Variants in SLCO2A1 observed in about 807,000 individuals in gnomAD.
SLCO2A1 encodes matrin F/G 1.
In SLCO2A1, 60 loss-of-function variants were observed where a neutral mutation model predicts 71.7. That is an observed-to-expected ratio of 0.84 (90% confidence interval 0.68 to 1.04). The LOEUF (loss-of-function observed/expected upper bound fraction) is 1.04, where lower values mean the gene tolerates loss of function less well. Among genes scored for constraint, SLCO2A1 ranks in the 50% least tolerant of loss-of-function variants. The pLI is 0.00. For synonymous variants in SLCO2A1, 308 were observed against 326.7 expected, an observed-to-expected ratio of 0.94 and a Z score of 0.62; for missense variants, 745 against 813.4, an observed-to-expected ratio of 0.92 and a Z score of 1.02.
chr3:134,010,990 C>T (rs1045541089), intron 1 of SLCO2A1, among the ~76,000 whole-genome samples: 4 of 152,170 alleles, frequency 2.6e-5, no homozygotes, highest in African/African-American at 9.7e-5. Flanking sequence ...TAATGCCCAA[C>T]CCCAGTCCTT....
chr3:134,004,260 T>C (rs151267395), intron 1 of SLCO2A1, among the ~76,000 whole-genome samples: 5 of 152,356 alleles, frequency 3.3e-5, no homozygotes, highest in East Asian at 1.9e-4. Context: ...GGATTTTGTA[T>C]ATGTGATTAA....
chr3:133,945,087 G>C lies in SLCO2A1; in HGVS notation c.1461+8C>G. 6.2e-7 allele frequency: 1 copy of C among 1,609,946 alleles called. No homozygotes were observed. The highest frequency in any genetic ancestry group is 1.3e-5 in the African/African-American group (1 of 74,906). Reference sequence around the variant, plus strand: ...CTCCTCTTGCCTCTGGACCCTGGCTGCCCTTACCAGTTGCTTGGAGGTTGC... The same window carrying C: ...CTCCTCTTGCCTCTGGACCCTGGCTCCCCTTACCAGTTGCTTGGAGGTTGC... On this transcript the variant is annotated splice_region_variant and intron_variant, in intron 10 of 13. Transcript: ENST00000310926.
intron 3 of SLCO2A1, 91 bp from the exon 4 acceptor site, chr3:133,955,284 G>A: frequency 1.8e-6 from 2 of 1,132,262 alleles, no homozygotes; most frequent in Non-Finnish European, 2.5e-6. Context: ...CAGGCCCCTT[G>A]GGGAAGGACC....
intron 12 of SLCO2A1, among the ~76,000 whole-genome samples, 157 bp downstream of exon 12, chr3:133,938,272 G>A (rs956988747): frequency 6.6e-5 from 10 of 152,134 alleles, no homozygotes; most frequent in East Asian, 1.9e-4. Context: ...CTGGGAAACC[G>A]TCCACATGGA....
chr3:133,944,239 A>G lies in SLCO2A1; in HGVS notation c.1461+856T>C, dbSNP rs139735903. Among the ~76,000 whole-genome samples, 536 of 152,176 alleles carry G rather than the reference A, an allele frequency of 3.5e-3. 1 individual carries two copies. The highest frequency in any genetic ancestry group is 4.5e-3 in the Non-Finnish European group (307 of 67,984). On this transcript the variant is annotated intron_variant, in intron 10 of 13. Transcript: ENST00000310926. Reference sequence around the variant, plus strand: ...GCCCCTGGGAACTCTCCATCCTATTAAGTCCTTCCATGGCATGGGTTACTT... The same window carrying G: ...GCCCCTGGGAACTCTCCATCCTATTGAGTCCTTCCATGGCATGGGTTACTT...
At chr3:134,026,271 A>G (rs1935699031) in intron 1 of SLCO2A1, among the ~76,000 whole-genome samples, 1 of 152,060 alleles carries the variant, frequency 6.6e-6, no homozygotes, top group African/African-American at 2.4e-5. Context: ...AGAGAAATCC[A>G]TTTAGTAAAT....
intron 1 of SLCO2A1, among the ~76,000 whole-genome samples, chr3:134,015,176 T>C (rs2108076513): frequency 6.6e-6 from 1 of 152,290 alleles, no homozygotes; most frequent in Non-Finnish European, 1.5e-5. Context: ...AGCGAAGATA[T>C]GGAATCAACC....
chr3:133,950,996 G>C (rs1362177741), intron 6 of SLCO2A1: 1 of 579,566 alleles, frequency 1.7e-6, no homozygotes, highest in Non-Finnish European at 3.1e-6. Flanking sequence ...ATGCTAACAT[G>C]GTACGGGAAC....
intron 3 of SLCO2A1, among the ~76,000 whole-genome samples, chr3:133,965,052 C>A (rs1027439350): frequency 2.0e-5 from 3 of 152,148 alleles, no homozygotes; most frequent in African/African-American, 7.2e-5. Flanking sequence ...AGTACTCCCC[C>A]ACCCTGATGG....
intron 6 of SLCO2A1, 113 bp from the exon 7 acceptor site, chr3:133,949,084 C>A: frequency 1.2e-6 from 1 of 847,590 alleles, no homozygotes; most frequent in Non-Finnish European, 2.0e-6. Context: ...AGGTGAGCCC[C>A]CTCCAGGCGT....
intron 8 of SLCO2A1, among the ~76,000 whole-genome samples, chr3:133,948,285 T>C (rs1933640133): frequency 6.6e-6 from 1 of 152,142 alleles, no homozygotes; most frequent in Non-Finnish European, 1.5e-5. Flanking sequence ...TTCCAGCCCC[T>C]TTACAGGGAG....
intron 3 of SLCO2A1, among the ~76,000 whole-genome samples, chr3:133,967,104 C>G (rs1233020022): frequency 6.6e-6 from 1 of 152,198 alleles, no homozygotes; most frequent in African/African-American, 2.4e-5. Context: ...CCTGGAGAAG[C>G]GACTCTCAGC....
intron 1 of SLCO2A1, among the ~76,000 whole-genome samples, chr3:134,020,706 T>C (rs188939140): frequency 6.6e-6 from 1 of 150,658 alleles, no homozygotes; most frequent in East Asian, 2.0e-4. Context: ...TTTGACTTGG[T>C]TTGAATTGCT....
At chr3:134,000,911 T>C (rs145043422) in intron 1 of SLCO2A1, among the ~76,000 whole-genome samples, 217 of 152,318 alleles carry the variant, frequency 1.4e-3, no homozygotes, top group African/African-American at 4.6e-3. Context: ...ACATTTCCCT[T>C]GCTAAGATGG....
intron 1 of SLCO2A1, among the ~76,000 whole-genome samples, chr3:134,028,997 G>C (rs77205713): frequency 1.3e-5 from 2 of 152,012 alleles, no homozygotes; most frequent in Non-Finnish European, 2.9e-5. Flanking sequence ...CTGGTGAGTG[G>C]ACCTGCTTAG....
intron 3 of SLCO2A1, among the ~76,000 whole-genome samples, chr3:133,965,482 C>G (rs1353194461): frequency 6.6e-6 from 1 of 152,168 alleles, no homozygotes; most frequent in African/African-American, 2.4e-5. Context: ...ATGGATGACA[C>G]GAAGCTGGGA....
intron 1 of SLCO2A1, among the ~76,000 whole-genome samples, chr3:133,990,086 G>A (rs528725227): frequency 1.3e-5 from 2 of 152,190 alleles, no homozygotes; most frequent in Non-Finnish European, 2.9e-5. Flanking sequence ...CTTCTGCCAC[G>A]TTCGCCAATT....
chr3:133,945,377 T>G, intron 9 of SLCO2A1, 117 bp from the exon 10 acceptor site: 1 of 1,033,564 alleles, frequency 9.7e-7, no homozygotes, highest in Middle Eastern at 2.6e-4. Context: ...TTTATTTCTT[T>G]TGGGCCAGTG....
At chr3:133,999,067 A>T (rs1462647694) in intron 1 of SLCO2A1, among the ~76,000 whole-genome samples, 1 of 152,178 alleles carries the variant, frequency 6.6e-6, no homozygotes, top group Non-Finnish European at 1.5e-5. Context: ...CCGCCTCGCC[A>T]GGATGCCTTT....
Sources: gnomAD v4.1 joint callset for allele counts (sites outside exome capture counted in the v4.1 genomes callset) on GRCh38, gnomAD v4.1.1 for gene constraint, MANE v1.5 for transcripts, NCBI Gene and HGNC (gene_info 2026-07-23, HGNC 2026-07-21) for gene names.